HIBADH: variants seen among roughly 807,000 people sequenced by gnomAD.
HIBADH encodes the protein 3-hydroxyisobutyrate dehydrogenase, also known as 3-hydroxyisobutyrate dehydrogenase, mitochondrial.
A neutral mutation model predicts 36.1 loss-of-function variants in HIBADH; 25 were observed. The ratio of observed to expected loss-of-function variants is 0.69; its 90% CI spans 0.50 to 0.97. The LOEUF (loss-of-function observed/expected upper bound fraction) is 0.97, where lower values mean the gene tolerates loss of function less well. HIBADH is among the 50% of genes least tolerant of loss of function. The probability of loss-of-function intolerance (pLI) is 0.00; values close to 1 mark genes in which losing one functional copy is unlikely to be tolerated. For synonymous variants in HIBADH, 160 were observed against 149.5 expected (o/e 1.07, Z -0.51); for missense variants, 421 against 418.0 (o/e 1.01, Z -0.06).
intron 4 of HIBADH, among the ~76,000 whole-genome samples, chr7:27,597,370 A>G (rs572621112): frequency 8.0e-4 from 122 of 152,294 alleles, no homozygotes; most frequent in African/African-American, 2.8e-3. Context: ...AACCACACAG[A>G]AAGAGGGAAG....
At chr7:27,563,900 C>CTTT (rs56869443) in intron 4 of HIBADH, among the ~76,000 whole-genome samples, 209 of 133,486 alleles carry the variant, frequency 1.6e-3, no homozygotes, top group African/African-American at 5.4e-3. Context: ...TGTTAATTTT[C>CTTT]TTTTTTTTTT....
chr7:27,595,579 G>GGTGTGTGTGTGTGT lies in HIBADH; in HGVS notation c.484+33778_484+33791dup, dbSNP rs3219776. Among the ~76,000 whole-genome samples the GGTGTGTGTGTGTGT allele has an allele frequency of 3.0e-4, 43 of 143,436 alleles. No homozygotes were observed. The East Asian group carries it at 3.3e-3, about 11-fold the overall frequency. 94.1% of individuals were successfully genotyped at this position (143,436 alleles called of 152,430 possible). On this transcript the variant is annotated intron_variant, in intron 4 of 7. Transcript: ENST00000265395. ...ATACAGTGTAATTTCCATAAGGGCA[G>GGTGTGTGTGTGTGT]GTGTGTGTGTGTGTGTGTGTGTGTG...
At chr7:27,634,593 C>T (rs997902617) in intron 2 of HIBADH, among the ~76,000 whole-genome samples, 2 of 152,202 alleles carry the variant, frequency 1.3e-5, no homozygotes, top group Non-Finnish European at 1.5e-5. Context: ...CAATGCAAAA[C>T]AATGGCATAC....
intron 4 of HIBADH, among the ~76,000 whole-genome samples, chr7:27,588,609 G>T (rs1784897389): frequency 6.6e-6 from 1 of 152,156 alleles, no homozygotes; most frequent in Non-Finnish European, 1.5e-5. Context: ...AGGATTACAG[G>T]GATGAGCCAC....
chr7:27,603,707 C>A (rs1445042699), intron 4 of HIBADH, among the ~76,000 whole-genome samples: 2 of 152,020 alleles, frequency 1.3e-5, no homozygotes, highest in Admixed American at 6.6e-5. Flanking sequence ...AGACTGAAAT[C>A]CTAACTCTCA....
intron 4 of HIBADH, among the ~76,000 whole-genome samples, chr7:27,585,825 A>AT (rs149301663): frequency 0.014 from 2,127 of 152,210 alleles, 36 homozygotes; most frequent in African/African-American, 0.044. Context: ...AAATGGTTGT[A>AT]TTTTCTAGGT....
intron 4 of HIBADH, among the ~76,000 whole-genome samples, chr7:27,548,847 C>T (rs1784274499): frequency 6.6e-6 from 1 of 152,160 alleles, no homozygotes; most frequent in Non-Finnish European, 1.5e-5. Flanking sequence ...CCTTTCCTTT[C>T]ATTTTTCAAC....
chr7:27,623,945 A>T (rs1288453235), intron 4 of HIBADH, among the ~76,000 whole-genome samples: 1 of 152,168 alleles, frequency 6.6e-6, no homozygotes, highest in African/African-American at 2.4e-5. Context: ...CAACAGGCGC[A>T]TGCCACCGTG....
At chr7:27,568,140 C>G (rs112940084) in intron 4 of HIBADH, among the ~76,000 whole-genome samples, 4 of 152,280 alleles carry the variant, frequency 2.6e-5, no homozygotes, top group African/African-American at 9.6e-5. Flanking sequence ...TGTTTCTCTT[C>G]TTTCCTGCAG....
chr7:27,595,927 C>G (rs892743403), intron 4 of HIBADH, among the ~76,000 whole-genome samples: 1 of 152,206 alleles, frequency 6.6e-6, no homozygotes, highest in Admixed American at 6.5e-5. Context: ...AAAATCAAAA[C>G]CACACTATAC....
At chr7:27,616,774 T>A (rs563324276) in intron 4 of HIBADH, among the ~76,000 whole-genome samples, 1 of 146,868 alleles carries the variant, frequency 6.8e-6, no homozygotes. Context: ...CATGTCTTCC[T>A]TTTTTAGAAA....
At chr7:27,582,180 C>G (rs979539068) in intron 4 of HIBADH, among the ~76,000 whole-genome samples, 6 of 152,088 alleles carry the variant, frequency 3.9e-5, no homozygotes, top group Non-Finnish European at 7.4e-5. Context: ...AGTACACAAT[C>G]CCTTCCCTTC....
At chr7:27,574,419 A>G (rs1477436305) in intron 4 of HIBADH, among the ~76,000 whole-genome samples, 5 of 152,132 alleles carry the variant, frequency 3.3e-5, no homozygotes, top group African/African-American at 1.2e-4. Context: ...TTCTCAATAT[A>G]TGTGAGGTTG....
Position 27,632,828 on chromosome 7 carries a change from G to A in HIBADH, c.253-383C>T, listed in dbSNP as rs117576517. Among the ~76,000 whole-genome samples, 1,131 of 152,006 alleles carry A rather than the reference G, an allele frequency of 7.4e-3. 5 individuals are homozygous for A. Among genetic ancestry groups the A allele is most frequent in the Middle Eastern group, 0.014 (4 of 294 alleles). On this transcript the variant is annotated intron_variant, in intron 2 of 7. Transcript: ENST00000265395. ...AAGAAAAATATTCTAGTACAACAAC[G>A]CTGGTAACTCAACTGTAGGATTCAT...
chr7:27,603,691 T>C lies in HIBADH; in HGVS notation c.484+25680A>G, dbSNP rs575110544. Among the ~76,000 whole-genome samples, 4 of 152,242 alleles carry C rather than the reference T, an allele frequency of 2.6e-5. No homozygotes were observed. In the South Asian group the frequency reaches 8.3e-4, roughly 32 times the overall value. On this transcript the variant is annotated intron_variant, in intron 4 of 7. Coordinates refer to ENST00000265395, the MANE Select transcript of HIBADH (RefSeq NM_152740.4). ...ATCTTTAATAACATGTATAAAGCCA[T>C]TTCAAAGACTGAAATCCTAACTCTC...
chr7:27,660,551 G>A (rs932713462), intron 1 of HIBADH, among the ~76,000 whole-genome samples: 3 of 152,118 alleles, frequency 2.0e-5, no homozygotes, highest in African/African-American at 4.8e-5. Context: ...TGTAGTCCCA[G>A]GTACTCCGGA....
chr7:27,588,950 C>A (rs542433921), intron 4 of HIBADH, among the ~76,000 whole-genome samples: 59 of 152,122 alleles, frequency 3.9e-4, no homozygotes, highest in African/African-American at 1.2e-3. Flanking sequence ...TTGAGAGACC[C>A]GACCACAGTT....
Position 27,607,179 on chromosome 7 carries a change from A to T in HIBADH, c.484+22192T>A, listed in dbSNP as rs187174179. Among the ~76,000 whole-genome samples, 3 of 152,320 alleles carry T rather than the reference A, an allele frequency of 2.0e-5. No homozygotes were observed. In the East Asian group the frequency reaches 5.8e-4, roughly 29 times the overall value. Reference sequence around the variant, plus strand: ...TAAAAGTTCAGTCCAATTAAAGACCATAAGATGTCATCAAACCTTTCTAAA... The same window carrying T: ...TAAAAGTTCAGTCCAATTAAAGACCTTAAGATGTCATCAAACCTTTCTAAA... On this transcript the variant is annotated intron_variant, in intron 4 of 7. Transcript: ENST00000265395.
At chr7:27,593,033 C>G (rs893218539) in intron 4 of HIBADH, among the ~76,000 whole-genome samples, 2 of 152,144 alleles carry the variant, frequency 1.3e-5, no homozygotes, top group African/African-American at 2.4e-5. Flanking sequence ...CAAGACTTTC[C>G]TGACCTCCAA....
Sources: allele counts gnomAD v4.1 joint callset (sites outside exome capture counted in the v4.1 genomes callset), GRCh38; gene constraint gnomAD v4.1.1; transcripts MANE v1.5; gene names NCBI Gene and HGNC (gene_info 2026-07-23, HGNC 2026-07-21).